CACNA2D3: variants seen among roughly 807,000 people sequenced by gnomAD.
CACNA2D3 encodes calcium voltage-gated channel auxiliary subunit alpha2delta 3.
In CACNA2D3, 60 loss-of-function variants were observed where a neutral mutation model predicts 160.6. That is an observed-to-expected ratio of 0.37 (90% CI 0.30 to 0.46). CACNA2D3 has a LOEUF of 0.46. Among genes scored for constraint, CACNA2D3 ranks in the 20% least tolerant of loss-of-function variants. The probability of loss-of-function intolerance (pLI) is 1.00; values close to 1 mark genes in which losing one functional copy is unlikely to be tolerated. For synonymous variants in CACNA2D3, 558 were observed against 492.9 expected (o/e 1.13, Z -1.75); for missense variants, 1,205 against 1,365.0 (o/e 0.88, Z 1.85).
intron 11 of CACNA2D3, among the ~76,000 whole-genome samples, chr3:54,645,670 T>G (rs950310826): frequency 2.6e-5 from 4 of 152,184 alleles, no homozygotes; most frequent in Admixed American, 6.5e-5. Context: ...TGTTCCCTTC[T>G]CTTAGGTTTG....
intron 5 of CACNA2D3, among the ~76,000 whole-genome samples, chr3:54,556,851 C>T (rs1184604587): frequency 6.6e-6 from 1 of 152,210 alleles, no homozygotes; most frequent in East Asian, 1.9e-4. Flanking sequence ...TGACGTTTGC[C>T]TGCTCCCCAT....
chr3:54,726,339 A>G (rs1424616225), intron 11 of CACNA2D3, among the ~76,000 whole-genome samples: 3 of 152,176 alleles, frequency 2.0e-5, no homozygotes, highest in Non-Finnish European at 4.4e-5. Flanking sequence ...ATGCTGCCCA[A>G]AGTAATTTAT....
intron 11 of CACNA2D3, among the ~76,000 whole-genome samples, chr3:54,739,438 A>C (rs1559564926): frequency 2.0e-5 from 3 of 149,104 alleles, no homozygotes; most frequent in South Asian, 4.2e-4. Context: ...AAAAAAAAAA[A>C]AAACAAAAAA....
chr3:54,646,659 A>C (rs1699658847), intron 11 of CACNA2D3, among the ~76,000 whole-genome samples: 1 of 152,142 alleles, frequency 6.6e-6, no homozygotes, highest in Non-Finnish European at 1.5e-5. Flanking sequence ...TCTATCACTG[A>C]TGGGCATTTA....
chr3:54,876,562 A>G (rs1234992972), intron 18 of CACNA2D3, among the ~76,000 whole-genome samples: 2 of 152,232 alleles, frequency 1.3e-5, no homozygotes, highest in African/African-American at 4.8e-5. Context: ...GAAATAATAT[A>G]TGATTTTTAT....
At chr3:54,433,207 G>A (rs1700014249) in intron 4 of CACNA2D3, among the ~76,000 whole-genome samples, 1 of 152,158 alleles carries the variant, frequency 6.6e-6, no homozygotes, top group African/African-American at 2.4e-5. Flanking sequence ...AGCTATGACT[G>A]GAGGGGGATT....
chr3:54,320,870 C>G (rs1421766184), intron 3 of CACNA2D3, among the ~76,000 whole-genome samples: 1 of 152,156 alleles, frequency 6.6e-6, no homozygotes, highest in Non-Finnish European at 1.5e-5. Context: ...AAAAACCATT[C>G]AAAGGTACAC....
At chr3:54,411,447 C>A (rs1456447648) in intron 4 of CACNA2D3, among the ~76,000 whole-genome samples, 1 of 152,190 alleles carries the variant, frequency 6.6e-6, no homozygotes, top group African/African-American at 2.4e-5. Context: ...TCACCCTGAT[C>A]AGTCAGCAGC....
At chr3:54,464,124 C>T (rs987586732) in intron 4 of CACNA2D3, among the ~76,000 whole-genome samples, 1 of 152,194 alleles carries the variant, frequency 6.6e-6, no homozygotes, top group Admixed American at 6.5e-5. Context: ...CTGATCGTTC[C>T]TCTGGAAGTT....
intron 4 of CACNA2D3, among the ~76,000 whole-genome samples, chr3:54,477,781 T>A (rs1700855819): frequency 6.6e-6 from 1 of 152,168 alleles, no homozygotes; most frequent in African/African-American, 2.4e-5. Flanking sequence ...GGACTTCACA[T>A]TTGACCCTCT....
chr3:54,986,860 T>C (rs75877374), intron 30 of CACNA2D3, among the ~76,000 whole-genome samples: 6,719 of 152,184 alleles, frequency 0.044, 191 homozygotes, highest in Non-Finnish European at 0.063. Flanking sequence ...CTCTGTTCCA[T>C]GCACTGCGTA....
chr3:54,885,582 C>G lies in CACNA2D3; in HGVS notation c.2052C>G (p.Leu684=), dbSNP rs773058080. ...ACCTAAAAGGCAAAGAACCTCTGCTCCAGTGTGAGTATGCTTTCAAAAGTG... is the reference window on the plus strand; with the variant it reads ...ACCTAAAAGGCAAAGAACCTCTGCTGCAGTGTGAGTATGCTTTCAAAAGTG... ...KLYLKGKEPL[L]QCDKELIQEV... is the part of the protein sequence containing the mutation. Residue 684 remains leucine (L), a synonymous_variant, in exon 23 of 38, where the codon CTC becomes CTG. Coordinates refer to ENST00000474759, the MANE Select transcript of CACNA2D3 (RefSeq NM_018398.3). 3 of 1,610,046 alleles carry G rather than the reference C, an allele frequency of 1.9e-6. No homozygotes were observed. The South Asian group carries it at 3.3e-5, about 18-fold the overall frequency.
rs34567173 is a variant in CACNA2D3 at position 54,364,146 on chromosome 3, C to T, written c.322-22569C>T. Among the ~76,000 whole-genome samples, 797 of 152,222 alleles carry T rather than the reference C, an allele frequency of 5.2e-3. 2 individuals are homozygous for T. Among genetic ancestry groups the T allele is most frequent in the Non-Finnish European group, 8.0e-3 (542 of 68,008 alleles). Reference sequence around the variant, plus strand: ...ACCCCAGAATGTCCATTAAACCAACCGATGTGTAGAGGACACATTAATATT... The same window carrying T: ...ACCCCAGAATGTCCATTAAACCAACTGATGTGTAGAGGACACATTAATATT... On this transcript the variant is annotated intron_variant, in intron 3 of 37. Transcript: ENST00000474759.
Position 54,431,408 on chromosome 3 carries a change from A to G in CACNA2D3, c.381+44634A>G, listed in dbSNP as rs113601298. Among the ~76,000 whole-genome samples, 391 of 152,164 alleles carry G rather than the reference A, an allele frequency of 2.6e-3. 1 individual carries two copies. Among genetic ancestry groups the G allele is most frequent in the Middle Eastern group, 0.014 (4 of 294 alleles). On this transcript the variant is annotated intron_variant, in intron 4 of 37. Transcript: ENST00000474759. ...TATATTTGCTATTAAATGAAAGTGGATCAATCATAAAGGTTTTCATCCTCA... is the reference window on the plus strand; with the variant it reads ...TATATTTGCTATTAAATGAAAGTGGGTCAATCATAAAGGTTTTCATCCTCA...
At chr3:54,455,157 T>C (rs1700375443) in intron 4 of CACNA2D3, among the ~76,000 whole-genome samples, 1 of 152,160 alleles carries the variant, frequency 6.6e-6, no homozygotes, top group South Asian at 2.1e-4. Context: ...TGAGTTTTTT[T>C]TGAAGAACCT....
intron 4 of CACNA2D3, among the ~76,000 whole-genome samples, chr3:54,397,509 A>G (rs1699377988): frequency 7.4e-6 from 1 of 135,598 alleles, no homozygotes; most frequent in Non-Finnish European, 1.6e-5. Flanking sequence ...AGATTCTGGT[A>G]TGTGGTGTCT....
chr3:54,375,231 G>A (rs1698991338), intron 3 of CACNA2D3, among the ~76,000 whole-genome samples: 1 of 152,160 alleles, frequency 6.6e-6, no homozygotes, highest in Non-Finnish European at 1.5e-5. Context: ...ATGTTGTGTT[G>A]CAGTTGTCTA....
chr3:54,229,676 A>G (rs911218985), intron 2 of CACNA2D3, among the ~76,000 whole-genome samples: 17 of 152,110 alleles, frequency 1.1e-4, no homozygotes, highest in African/African-American at 3.4e-4. Flanking sequence ...GGAATTTGCT[A>G]TTCGGTCCCC....
intron 13 of CACNA2D3, among the ~76,000 whole-genome samples, chr3:54,804,409 G>C (rs867855229): frequency 6.6e-6 from 1 of 152,142 alleles, no homozygotes; most frequent in South Asian, 2.1e-4. Context: ...TGCAATCCTA[G>C]TCTCTGACAA....
Sources: gnomAD v4.1 joint callset for allele counts (sites outside exome capture counted in the v4.1 genomes callset) on GRCh38, gnomAD v4.1.1 for gene constraint, MANE v1.5 for transcripts, NCBI Gene and HGNC (gene_info 2026-07-23, HGNC 2026-07-21) for gene names.